Variants in SLC4A4 observed in about 807,000 individuals in gnomAD.
SLC4A4 encodes the protein electrogenic sodium bicarbonate cotransporter 1.
In SLC4A4, 27 loss-of-function variants were observed where a neutral mutation model predicts 111.5. The observed-to-expected ratio is 0.24, with a 90% CI of 0.18 to 0.33. The LOEUF is 0.33. SLC4A4 is among the 10% of genes least tolerant of loss of function. The probability of loss-of-function intolerance (pLI) is 1.00; values close to 1 mark genes in which losing one functional copy is unlikely to be tolerated. For missense variants in SLC4A4, 909 were observed against 1,315.5 expected (o/e 0.69, Z 4.78); for synonymous variants, 443 against 463.4 (o/e 0.96, Z 0.57).
intron 2 of SLC4A4, among the ~76,000 whole-genome samples, chr4:71,112,849 C>T (rs543130187): frequency 2.6e-5 from 4 of 152,136 alleles, no homozygotes; most frequent in Non-Finnish European, 4.4e-5. Flanking sequence ...TCCTACTTTT[C>T]ACTTTGGAAA....
At chr4:71,298,981 C>G (rs748018764) in intron 3 of SLC4A4, among the ~76,000 whole-genome samples, 3 of 152,196 alleles carry the variant, frequency 2.0e-5, no homozygotes, top group Non-Finnish European at 4.4e-5. Flanking sequence ...ATTTATTACT[C>G]TAGCTATTAT....
chr4:71,186,304 T>C (rs1287431213), upstream of SLC4A4, among the ~76,000 whole-genome samples: 1 of 152,204 alleles, frequency 6.6e-6, no homozygotes, highest in Non-Finnish European at 1.5e-5. Flanking sequence ...ACATCTTTTG[T>C]TAAAGGTGAA....
rs1206168530 is a variant in SLC4A4 at position 71,312,567 on chromosome 4, A to G, written c.254-26803A>G. On this transcript the variant is annotated intron_variant, in intron 3 of 25. Transcript: ENST00000264485. ...AATCAAGCAGCACATCAAAAAGCTC[A>G]TCCACCATGATCAAGTTGGCTTCAT... Among the ~76,000 whole-genome samples, 11 of 152,334 alleles carry G rather than the reference A, an allele frequency of 7.2e-5. No individual in the cohort carries two copies. In the East Asian group the frequency reaches 1.9e-3, roughly 27 times the overall value.
intron 1 of SLC4A4, among the ~76,000 whole-genome samples, chr4:71,074,362 T>A (rs1741752814): frequency 6.6e-6 from 1 of 152,198 alleles, no homozygotes; most frequent in Non-Finnish European, 1.5e-5. Context: ...ATTTTTCATC[T>A]GTTTTGCAGA....
chr4:71,253,980 A>C (rs1721261376), intron 2 of SLC4A4, among the ~76,000 whole-genome samples: 1 of 152,146 alleles, frequency 6.6e-6, no homozygotes, highest in Non-Finnish European at 1.5e-5. Flanking sequence ...AATTTAAGGA[A>C]ACACCCCTGC....
At chr4:71,238,871 G>A (rs1295366856) in intron 2 of SLC4A4, among the ~76,000 whole-genome samples, 1 of 152,166 alleles carries the variant, frequency 6.6e-6, no homozygotes, top group Non-Finnish European at 1.5e-5. Context: ...GTATAAAACG[G>A]TTGAAATGGA....
intron 14 of SLC4A4, among the ~76,000 whole-genome samples, chr4:71,480,619 G>A (rs1728787203): frequency 6.6e-6 from 1 of 151,648 alleles, no homozygotes; most frequent in Non-Finnish European, 1.5e-5. Context: ...ATGACCATGT[G>A]GCAGAGCTTA....
chr4:71,164,436 A>C (rs1744689002), intron 2 of SLC4A4, among the ~76,000 whole-genome samples: 1 of 152,032 alleles, frequency 6.6e-6, no homozygotes, highest in African/African-American at 2.4e-5. Flanking sequence ...GTACACCATT[A>C]AAACATGACA....
intron 1 of SLC4A4, among the ~76,000 whole-genome samples, chr4:71,077,164 C>CT (rs746128471): frequency 1.5e-3 from 211 of 142,090 alleles, no homozygotes; most frequent in East Asian, 5.9e-3. Context: ...AGAGTATGTA[C>CT]TTTTTTTTTT....
intron 3 of SLC4A4, among the ~76,000 whole-genome samples, chr4:71,326,609 C>T (rs62302787): frequency 2.6e-5 from 4 of 152,078 alleles, no homozygotes; most frequent in Non-Finnish European, 4.4e-5. Flanking sequence ...GTCATTCATG[C>T]GAAGCATTTG....
At chr4:71,338,503 T>TC (rs1728608996) in intron 3 of SLC4A4, among the ~76,000 whole-genome samples, 1 of 152,016 alleles carries the variant, frequency 6.6e-6, no homozygotes, top group African/African-American at 2.4e-5. Context: ...ACTGCTTTTC[T>TC]TTCTCTCTCT....
intron 3 of SLC4A4, among the ~76,000 whole-genome samples, chr4:71,300,034 T>C (rs549773702): frequency 6.6e-6 from 1 of 152,220 alleles, no homozygotes; most frequent in Non-Finnish European, 1.5e-5. Flanking sequence ...GGCAGGAGGA[T>C]GTTAAGAATT....
intron 1 of SLC4A4, chr4:71,236,246 T>TG (rs1719798214): frequency 2.8e-6 from 3 of 1,082,554 alleles, no homozygotes; most frequent in Non-Finnish European, 3.4e-6. Flanking sequence ...TTTTTTTTTT[T>TG]TTTTGCTTTC....
At chr4:71,102,892 A>G (rs1027434333) in intron 2 of SLC4A4, among the ~76,000 whole-genome samples, 29 of 152,132 alleles carry the variant, frequency 1.9e-4, no homozygotes, top group African/African-American at 6.7e-4. Flanking sequence ...CTAACATCAT[A>G]ATGACAGGAT....
intron 3 of SLC4A4, among the ~76,000 whole-genome samples, chr4:71,258,118 C>T (rs1026273019): frequency 9.9e-5 from 15 of 152,194 alleles, no homozygotes; most frequent in Non-Finnish European, 2.9e-5. Flanking sequence ...CTCAATTGGG[C>T]ATCATGGCCC....
intron 2 of SLC4A4, among the ~76,000 whole-genome samples, chr4:71,113,430 T>G (rs1743151595): frequency 6.6e-6 from 1 of 152,198 alleles, no homozygotes; most frequent in African/African-American, 2.4e-5. Context: ...CTTGGCAATT[T>G]AATTGGATGG....
intron 2 of SLC4A4, among the ~76,000 whole-genome samples, chr4:71,112,418 C>T (rs541308469): frequency 2.2e-4 from 33 of 152,046 alleles, no homozygotes; most frequent in Non-Finnish European, 4.7e-4. Flanking sequence ...TTCATAAAAT[C>T]CCAGAGTAAT....
At chr4:71,110,940 A>T (rs115074431) in intron 2 of SLC4A4, among the ~76,000 whole-genome samples, 309 of 152,290 alleles carry the variant, frequency 2.0e-3, no homozygotes, top group African/African-American at 7.0e-3. Flanking sequence ...GATCTAAAAA[A>T]ATCAGGTCCT....
chr4:71,202,735 A>C (rs1046573093), intron 1 of SLC4A4, among the ~76,000 whole-genome samples: 1 of 152,326 alleles, frequency 6.6e-6, no homozygotes, highest in African/African-American at 2.4e-5. Context: ...TGAGATTGTT[A>C]GAAATGAACC....
Sources: gnomAD v4.1 joint callset for allele counts (sites outside exome capture counted in the v4.1 genomes callset) on GRCh38, gnomAD v4.1.1 for gene constraint, MANE v1.5 for transcripts, NCBI Gene and HGNC (gene_info 2026-07-23, HGNC 2026-07-21) for gene names.